The following CFC1 variants were observed in gnomAD, a reference collection of about 807,000 sequenced individuals.
The protein encoded by CFC1 is cryptic protein.
For synonymous variants in CFC1, 8 were observed against 50.7 expected, an observed-to-expected ratio of 0.16 and a Z score of 3.58; for missense variants, 14 against 120.0, an observed-to-expected ratio of 0.12 and a Z score of 4.13.
intron 5 of CFC1, among the ~76,000 whole-genome samples, chr2:130,594,121 A>G (rs1684899211): frequency 6.6e-6 from 1 of 151,680 alleles, no homozygotes. Flanking sequence ...ACAAGGAATG[A>G]TGCAGATGAA....
rs746785613 is a variant in CFC1, at chr2:130,598,647, C to T, written c.242G>A (p.Gly81Glu). ...EEPLPYSRAF[G>E]EGASARPRCC... ...TGGGCAGCGCTGCAACTTACCCTCT[C>T]CGAAAGCCCGGGAGTAGGGGAGCGG... Residue 81 changes from glycine to glutamate, a missense_variant, in exon 3 of 6, where the codon GGA (glycine) becomes GAA (glutamate). Transcript: ENST00000259216. 5.0e-6 allele frequency: 8 copies of T among 1,613,848 alleles called. 1 individual carries two copies. In the African/African-American group the frequency reaches 1.1e-4, roughly 22 times the overall value.
chr2:130,593,473 C>T (rs1573957306), intron 5 of CFC1, among the ~76,000 whole-genome samples: 1 of 152,084 alleles, frequency 6.6e-6, no homozygotes, highest in Admixed American at 6.5e-5. Flanking sequence ...CCGTCTGCTG[C>T]AACAAAGGTT....
Position 130,592,738 on chromosome 2 carries a change from TG to T in CFC1, c.*138del, listed in dbSNP as rs1684846704. ...CTCTACCTACCGGTCACAGTGGTGC[TG>T]GGGACACACGTGTCCCTCTCCCAAG... On this transcript the variant is annotated 3_prime_UTR_variant, in exon 6 of 6. Coordinates refer to ENST00000259216, the MANE Select transcript of CFC1 (RefSeq NM_032545.4). The T allele has an allele frequency of 5.4e-6, 1 of 184,708 alleles. No individual in the cohort carries two copies. 11.4% of individuals were successfully genotyped at this position (184,708 alleles called of 1,614,324 possible). A position where few individuals can be genotyped will look rare whatever the true frequency, so the allele number is the denominator to read the frequency against.
chr2:130,594,588 G>A (rs1375557648), intron 5 of CFC1, among the ~76,000 whole-genome samples: 2 of 133,732 alleles, frequency 1.5e-5, no homozygotes, highest in Non-Finnish European at 3.0e-5. Context: ...AGAATGGCAT[G>A]TTTAAAAATG....
At chr2:130,595,867 AAG>A (rs1684951663) in intron 5 of CFC1, among the ~76,000 whole-genome samples, 1 of 120,720 alleles carries the variant, frequency 8.3e-6, no homozygotes. Flanking sequence ...TGGCTTTCAT[AAG>A]AGTTAAATGG....
Position 130,598,679 on chromosome 2 carries a change from C to A in CFC1, c.210G>T (p.Pro70=), listed in dbSNP as rs201242330. 6.2e-7 allele frequency: 1 copy of A among 1,613,968 alleles called. No homozygotes were observed. Among genetic ancestry groups the A allele is most frequent in the Middle Eastern group, 1.7e-4 (1 of 6,056 alleles). Residue 70 remains proline, a synonymous_variant, in exon 3 of 6, where the codon CCG becomes CCT. Coordinates refer to ENST00000259216, the MANE Select transcript of CFC1 (RefSeq NM_032545.4). ...EVTGSAEGWG[P]EEPLPYSRAF... is the part of the protein sequence containing the mutation. The stretch of plus-strand genomic sequence containing the variant: ...CCCGGGAGTAGGGGAGCGGCTCCTC[C>A]GGCCCCCAGCCCTCGGCGCTCCCAG...
intron 5 of CFC1, among the ~76,000 whole-genome samples, chr2:130,594,514 TC>T (rs1333652995): frequency 1.5e-5 from 2 of 135,654 alleles, no homozygotes; most frequent in East Asian, 3.9e-4. Context: ...ATCCCAGAGG[TC>T]TGTAGACTGG....
intron 3 of CFC1, 42 bp downstream of exon 3, chr2:130,598,600 T>A: frequency 1.9e-6 from 3 of 1,613,032 alleles, no homozygotes; most frequent in Non-Finnish European, 1.7e-6. Flanking sequence ...GTCCGCAGAC[T>A]GAGATGACGC....
In CFC1 at chr2:130,592,342, A is replaced by G. The variant is rs1684831297; in HGVS notation, c.*535T>C. 1 of 216,260 alleles carries G rather than the reference A, an allele frequency of 4.6e-6. No homozygotes were observed. The highest frequency in any genetic ancestry group is 9.2e-6 in the Non-Finnish European group (1 of 108,678). 13.4% of individuals were successfully genotyped at this position (216,260 alleles called of 1,614,324 possible). A position where few individuals can be genotyped will look rare whatever the true frequency, so the allele number is the denominator to read the frequency against. ...AACTACAGTGGATTTAAAAAGCTGA[A>G]GAGCTCAATGCAAGTGCCCTCTACC... On this transcript the variant is annotated 3_prime_UTR_variant, in exon 6 of 6. Transcript: ENST00000259216.
intron 5 of CFC1, among the ~76,000 whole-genome samples, chr2:130,595,508 G>T (rs1309552145): frequency 6.8e-6 from 1 of 147,662 alleles, no homozygotes; most frequent in East Asian, 2.1e-4. Context: ...GAGGTGGGCG[G>T]ATCACAAGGT....
At chr2:130,593,690 T>TC (rs1388952006) in intron 5 of CFC1, among the ~76,000 whole-genome samples, 1 of 147,728 alleles carries the variant, frequency 6.8e-6, no homozygotes, top group Non-Finnish European at 1.5e-5. Context: ...AGTCCCTGTG[T>TC]CCCCTCCCCA....
In CFC1 at chr2:130,598,922, T is replaced by G. The variant is rs199607550; in HGVS notation, c.61A>C (p.Asn21His). 9,853 of 1,099,662 alleles carry G rather than the reference T, an allele frequency of 9.0e-3. 213 individuals carry two copies. In the African/African-American group the frequency reaches 0.16, roughly 18 times the overall value. The allele number at this position is 1,099,662 out of a possible 1,614,324, so 68.1% of individuals were successfully genotyped here. A position where few individuals can be genotyped will look rare whatever the true frequency, so the allele number is the denominator to read the frequency against. Residue 21 changes from asparagine (N) to histidine (H), a missense_variant, in exon 2 of 6, where the codon AAT (asparagine) becomes CAT (histidine). Asn to His is a moderately conservative substitution (Grantham distance 68). Transcript: ENST00000259216. ...AAATGTTTCTTACTGTTTCCCAAATTGATGATCTGTAATGCCAAACTGACC... is the reference window on the plus strand; with the variant it reads ...AAATGTTTCTTACTGTTTCCCAAATGGATGATCTGTAATGCCAAACTGACC... ...FTVSLALQII[N>H]LGNSYQREKH...
Sources: gnomAD v4.1 joint callset for allele counts (sites outside exome capture counted in the v4.1 genomes callset) on GRCh38, gnomAD v4.1.1 for gene constraint, MANE v1.5 for transcripts, NCBI Gene and HGNC (gene_info 2026-07-23, HGNC 2026-07-21) for gene names.